Variants in ZBTB20 observed in about 807,000 individuals in gnomAD.
ZBTB20 encodes the protein zinc finger and BTB domain containing 20.
In ZBTB20, 9 loss-of-function variants were observed where a neutral mutation model predicts 56.9. The observed-to-expected ratio is 0.16, with a 90% confidence interval of 0.10 to 0.28. The LOEUF is 0.28. Ranked by LOEUF, ZBTB20 falls within the 10% of genes least tolerant of loss-of-function variation. The probability of loss-of-function intolerance (pLI) is 1.00; values close to 1 mark genes in which losing one functional copy is unlikely to be tolerated. For missense variants in ZBTB20, 655 were observed against 1,003.0 expected (o/e 0.65, Z 4.69); for synonymous variants, 417 against 420.7 (o/e 0.99, Z 0.11).
intron 1 of ZBTB20, among the ~76,000 whole-genome samples, chr3:115,094,452 A>G (rs2083306844): frequency 6.6e-6 from 1 of 152,208 alleles, no homozygotes; most frequent in African/African-American, 2.4e-5. Flanking sequence ...TGTTTATTTA[A>G]AATGAAGCCA....
intron 6 of ZBTB20, among the ~76,000 whole-genome samples, chr3:114,616,987 T>C (rs73857631): frequency 0.024 from 3,598 of 152,296 alleles, 149 homozygotes; most frequent in African/African-American, 0.082. Flanking sequence ...CCCACAGTTA[T>C]TGTCCTAGTT....
intron 6 of ZBTB20, among the ~76,000 whole-genome samples, chr3:114,561,204 A>G (rs764647591): frequency 6.6e-6 from 1 of 152,188 alleles, no homozygotes; most frequent in African/African-American, 2.4e-5. Flanking sequence ...TTCTTCTACT[A>G]AAGTCTTAAG....
chr3:115,064,294 A>G (rs573795966), intron 2 of ZBTB20, among the ~76,000 whole-genome samples: 12 of 152,240 alleles, frequency 7.9e-5, no homozygotes, highest in African/African-American at 2.9e-4. Flanking sequence ...TGGACGTAGC[A>G]TACCCTTGAA....
rs146015213 is a variant in ZBTB20, at chr3:114,551,281, C to T, written c.-294-50890G>A. 2.9e-3 allele frequency among the ~76,000 whole-genome samples: 445 copies of T among 152,202 alleles called. 2 individuals are homozygous for T. The highest frequency in any genetic ancestry group is 4.8e-3 in the Admixed American group (74 of 15,292). ...AATAAAAGAGATTCAATTTGCGTAA[C>T]GATATTTACTGTGTGCCTACTGTGT... On this transcript the variant is annotated intron_variant, in intron 6 of 11. Coordinates refer to ENST00000675478, the MANE Select transcript of ZBTB20 (RefSeq NM_001348800.3).
chr3:114,859,572 G>GTTTTTT (rs59741665), intron 4 of ZBTB20, among the ~76,000 whole-genome samples: 2 of 116,604 alleles, frequency 1.7e-5, no homozygotes, highest in African/African-American at 3.1e-5. Context: ...TTCTTATGGC[G>GTTTTTT]TTTTTTTTTT....
chr3:114,804,157 G>C (rs1352466924), intron 4 of ZBTB20, among the ~76,000 whole-genome samples: 1 of 151,912 alleles, frequency 6.6e-6, no homozygotes, highest in African/African-American at 2.4e-5. Flanking sequence ...CAGAGAAGTA[G>C]CAAATGCATT....
chr3:114,712,576 C>A (rs1258130204), intron 5 of ZBTB20, among the ~76,000 whole-genome samples: 1 of 151,480 alleles, frequency 6.6e-6, no homozygotes, highest in East Asian at 1.9e-4. Context: ...TCCCTTGAAC[C>A]CGGGAGGCGG....
rs1223732179 is a variant in ZBTB20 at position 114,883,916 on chromosome 3, C to CCTTTTTTTTTTTTTTTTTTT, written c.-417+16387_-417+16388insAAAAAAAAAAAAAAAAAAAG. Among the ~76,000 whole-genome samples the CCTTTTTTTTTTTTTTTTTTT allele has an allele frequency of 2.1e-4, 19 of 89,830 alleles. 6 individuals carry two copies. Among genetic ancestry groups the CCTTTTTTTTTTTTTTTTTTT allele is most frequent in the South Asian group, 1.2e-3 (3 of 2,552 alleles). The allele number at this position is 89,830 out of a possible 152,430, so 58.9% of individuals were successfully genotyped here. A position where few individuals can be genotyped will look rare whatever the true frequency, so the allele number is the denominator to read the frequency against. ...GTATAACTGGTAAGAATGGTGTGTT[C>CCTTTTTTTTTTTTTTTTTTT]TTTTTTTTTTTTTTTTTTTTTTTTT... On this transcript the variant is annotated intron_variant, in intron 4 of 11. Transcript: ENST00000675478.
At chr3:114,640,914 C>G (rs182868938) in intron 6 of ZBTB20, among the ~76,000 whole-genome samples, 1 of 151,770 alleles carries the variant, frequency 6.6e-6, no homozygotes, top group Admixed American at 6.6e-5. Flanking sequence ...CAAGCAAGCA[C>G]GTATGCCCTT....
At chr3:114,916,888 T>A (rs905654615) in intron 3 of ZBTB20, among the ~76,000 whole-genome samples, 3 of 152,212 alleles carry the variant, frequency 2.0e-5, no homozygotes, top group Admixed American at 6.5e-5. Flanking sequence ...TTAAATCTGC[T>A]TGGTGTTCTT....
intron 4 of ZBTB20, among the ~76,000 whole-genome samples, chr3:114,897,560 G>C (rs764783210): frequency 2.6e-5 from 4 of 152,010 alleles, no homozygotes; most frequent in African/African-American, 9.7e-5. Flanking sequence ...CCTGACACAG[G>C]ACCCTCAAAA....
chr3:114,915,522 C>A (rs2075710397), intron 3 of ZBTB20, among the ~76,000 whole-genome samples: 1 of 151,666 alleles, frequency 6.6e-6, no homozygotes, highest in African/African-American at 2.4e-5. Context: ...TTTATCTTTT[C>A]AAAAAACCAA....
rs185713436 is a variant in ZBTB20, at chr3:115,112,833, A to T, written c.-703+34386T>A. ...GGATACTCAATAGAGAGATTGCAATAGAGAGATCTGTTTTTCATTTTATGA... is the reference window on the plus strand; with the variant it reads ...GGATACTCAATAGAGAGATTGCAATTGAGAGATCTGTTTTTCATTTTATGA... On this transcript the variant is annotated intron_variant, in intron 1 of 11. Transcript: ENST00000675478. Among the ~76,000 whole-genome samples, 34 of 152,314 alleles carry T rather than the reference A, an allele frequency of 2.2e-4. 2 individuals carry two copies. The highest frequency in any genetic ancestry group is 7.2e-4 in the Admixed American group (11 of 15,304).
chr3:114,921,853 T>TAAA (rs2075972992), intron 3 of ZBTB20, among the ~76,000 whole-genome samples: 1 of 152,026 alleles, frequency 6.6e-6, no homozygotes, highest in Non-Finnish European at 1.5e-5. Flanking sequence ...CCCTAGAACT[T>TAAA]AAAGTATAAT....
intron 2 of ZBTB20, among the ~76,000 whole-genome samples, chr3:114,992,445 AT>A (rs1204039729): frequency 6.6e-6 from 1 of 152,004 alleles, no homozygotes; most frequent in Non-Finnish European, 1.5e-5. Flanking sequence ...GATATTCAGT[AT>A]GATGTTGCTA....
At chr3:114,470,744 C>T (rs2040031980) in intron 7 of ZBTB20, among the ~76,000 whole-genome samples, 1 of 152,114 alleles carries the variant, frequency 6.6e-6, no homozygotes. Context: ...TCTGCTTTCT[C>T]CTTTAGAAGA....
intron 6 of ZBTB20, among the ~76,000 whole-genome samples, chr3:114,651,000 G>C (rs1414159691): frequency 6.6e-6 from 1 of 151,970 alleles, no homozygotes; most frequent in East Asian, 1.9e-4. Flanking sequence ...AGATGAGTCA[G>C]CTCGTTTGAT....
chr3:114,989,858 G>GA (rs1478810914), intron 2 of ZBTB20, among the ~76,000 whole-genome samples: 1 of 152,072 alleles, frequency 6.6e-6, no homozygotes, highest in African/African-American at 2.4e-5. Flanking sequence ...TACTCTCTTT[G>GA]AAGCAATTGT....
intron 4 of ZBTB20, among the ~76,000 whole-genome samples, chr3:114,804,357 C>A (rs1483780397): frequency 6.6e-6 from 1 of 151,876 alleles, no homozygotes; most frequent in African/African-American, 2.4e-5. Flanking sequence ...TTAGATATCA[C>A]CAGGTCACAG....
Sources: gnomAD v4.1 joint callset for allele counts (sites outside exome capture counted in the v4.1 genomes callset) on GRCh38, gnomAD v4.1.1 for gene constraint, MANE v1.5 for transcripts, NCBI Gene and HGNC (gene_info 2026-07-23, HGNC 2026-07-21) for gene names.